Variants in CSMD1 observed in about 807,000 individuals in gnomAD.
The protein encoded by CSMD1 is CUB and Sushi multiple domains 1, also known as CUB and sushi domain-containing protein 1.
A neutral mutation model predicts 417.5 loss-of-function variants in CSMD1; 213 were observed. That is an observed-to-expected ratio of 0.51 (90% CI 0.46 to 0.57). The LOEUF is 0.57. Among genes scored for constraint, CSMD1 ranks in the 20% least tolerant of loss-of-function variants. The pLI is 0.00. For missense variants in CSMD1, 6,923 were observed against 4,529.7 expected, an observed-to-expected ratio of 1.53 and a Z score of -15.17; for synonymous variants, 2,862 against 1,736.8, an observed-to-expected ratio of 1.65 and a Z score of -16.11.
chr8:3,516,990 A>G (rs558670220), intron 10 of CSMD1, among the ~76,000 whole-genome samples: 2 of 152,272 alleles, frequency 1.3e-5, no homozygotes, highest in Non-Finnish European at 1.5e-5. Context: ...AAAACACAGA[A>G]AACAGGGCAC....
intron 4 of CSMD1, among the ~76,000 whole-genome samples, chr8:4,017,265 A>G (rs1796568513): frequency 2.0e-5 from 3 of 152,096 alleles, no homozygotes; most frequent in Admixed American, 2.0e-4. Context: ...TATGCAATTC[A>G]TCTTCTCATC....
At chr8:4,975,244 G>A (rs551641811) in intron 1 of CSMD1, among the ~76,000 whole-genome samples, 3 of 152,198 alleles carry the variant, frequency 2.0e-5, no homozygotes, top group African/African-American at 7.2e-5. Context: ...AAGTCTCCAA[G>A]GATAATTAAT....
At position 4,330,807 on chromosome 8, in the gene CSMD1, G is replaced by A. The variant is rs114715546; in HGVS notation, c.415+89146C>T. On this transcript the variant is annotated intron_variant, in intron 3 of 69. Coordinates refer to ENST00000635120, the MANE Select transcript of CSMD1 (RefSeq NM_033225.6). Reference sequence around the variant, plus strand: ...TTTCTTTCCCTATCTATCTTCTGAAGCACTGTTCATTCTTGCACATGCAGC... The same window carrying A: ...TTTCTTTCCCTATCTATCTTCTGAAACACTGTTCATTCTTGCACATGCAGC... Among the ~76,000 whole-genome samples, 1,040 of 152,042 alleles carry A rather than the reference G, an allele frequency of 6.8e-3. 11 individuals carry two copies. The highest frequency in any genetic ancestry group is 0.023 in the African/African-American group (959 of 41,476).
intron 5 of CSMD1, among the ~76,000 whole-genome samples, chr8:3,821,970 T>G (rs1408268467): frequency 6.6e-6 from 1 of 152,188 alleles, no homozygotes; most frequent in Non-Finnish European, 1.5e-5. Flanking sequence ...CTCTCATGTT[T>G]CCCTTCACAT....
rs1054664057 is a variant in CSMD1 at position 4,276,398 on chromosome 8, T to G, written c.415+143555A>C. 2.0e-5 allele frequency among the ~76,000 whole-genome samples: 3 copies of G among 152,188 alleles called. No homozygotes were observed. The Middle Eastern group carries it at 0.01, about 518-fold the overall frequency. ...AACAGAAAACTAAACACCACATGTTTTCACTCATAAGTGGGAGTTGAACAA... is the reference window on the plus strand; with the variant it reads ...AACAGAAAACTAAACACCACATGTTGTCACTCATAAGTGGGAGTTGAACAA... On this transcript the variant is annotated intron_variant, in intron 3 of 69. Transcript: ENST00000635120.
intron 1 of CSMD1, among the ~76,000 whole-genome samples, chr8:4,755,885 G>A (rs1811635747): frequency 6.6e-6 from 1 of 152,104 alleles, no homozygotes; most frequent in Non-Finnish European, 1.5e-5. Flanking sequence ...AACTCATAAT[G>A]GGCTGCTCGG....
At position 3,394,036 on chromosome 8, in the gene CSMD1, A is replaced by T. The variant is rs1298109360; in HGVS notation, c.2593+2158T>A. Among the ~76,000 whole-genome samples the T allele has an allele frequency of 4.4e-3, 453 of 102,372 alleles. 19 individuals are homozygous for T. The highest frequency in any genetic ancestry group is 0.022 in the Middle Eastern group (4 of 178). 67.2% of individuals were successfully genotyped at this position (102,372 alleles called of 152,430 possible). A position where few individuals can be genotyped will look rare whatever the true frequency, so the allele number is the denominator to read the frequency against. On this transcript the variant is annotated intron_variant, in intron 17 of 69. Transcript: ENST00000635120. ...ATTATATATATATATATATATATAT[A>T]TATATATATATATATATATAGAAAA...
intron 12 of CSMD1, among the ~76,000 whole-genome samples, chr8:3,441,517 AC>A (rs2117063322): frequency 6.6e-6 from 1 of 151,418 alleles, no homozygotes; most frequent in South Asian, 2.1e-4. Context: ...ATATACACAC[AC>A]ACACACAAAA....
chr8:3,629,655 T>C (rs1193729813), intron 7 of CSMD1, among the ~76,000 whole-genome samples: 1 of 152,212 alleles, frequency 6.6e-6, no homozygotes, highest in Non-Finnish European at 1.5e-5. Context: ...CAAGGAATGT[T>C]ATAATACACA....
At chr8:3,570,865 A>G (rs1799913769) in intron 10 of CSMD1, among the ~76,000 whole-genome samples, 1 of 152,170 alleles carries the variant, frequency 6.6e-6, no homozygotes, top group African/African-American at 2.4e-5. Flanking sequence ...TCAAGTAGTA[A>G]AAGGTTTAAA....
At chr8:3,992,515 T>A (rs1814834596) in intron 5 of CSMD1, among the ~76,000 whole-genome samples, 1 of 152,228 alleles carries the variant, frequency 6.6e-6, no homozygotes, top group African/African-American at 2.4e-5. Flanking sequence ...CTGGCTGTTG[T>A]GGCTCATGCC....
intron 3 of CSMD1, among the ~76,000 whole-genome samples, chr8:4,042,814 T>TCAAAAAAAAAAAA (rs1563355345): frequency 9.5e-5 from 2 of 21,018 alleles, no homozygotes; most frequent in East Asian, 6.4e-4. Flanking sequence ...GTACAACATA[T>TCAAAAAAAAAAAA]TAAAAAAAAA....
At chr8:4,813,321 G>A (rs1799014045) in intron 1 of CSMD1, among the ~76,000 whole-genome samples, 1 of 152,012 alleles carries the variant, frequency 6.6e-6, no homozygotes, top group Admixed American at 6.6e-5. Flanking sequence ...GGGCTGTGAT[G>A]AGAAATAAAA....
intron 3 of CSMD1, among the ~76,000 whole-genome samples, chr8:4,179,046 A>C (rs1230623269): frequency 6.6e-6 from 1 of 152,032 alleles, no homozygotes; most frequent in African/African-American, 2.4e-5. Flanking sequence ...CAAGCTACCA[A>C]TGACTTTCTT....
intron 5 of CSMD1, among the ~76,000 whole-genome samples, chr8:3,780,617 A>C (rs1799125042): frequency 6.6e-6 from 1 of 152,204 alleles, no homozygotes; most frequent in Admixed American, 6.5e-5. Context: ...ACTGTCATCA[A>C]ACTGGGCCTG....
At chr8:4,448,933 G>C (rs1798972322) in intron 2 of CSMD1, among the ~76,000 whole-genome samples, 1 of 152,118 alleles carries the variant, frequency 6.6e-6, no homozygotes, top group Admixed American at 6.5e-5. Flanking sequence ...AAAATTTCCA[G>C]ATAAATTACC....
At chr8:4,829,355 T>C (rs770611413) in intron 1 of CSMD1, among the ~76,000 whole-genome samples, 1 of 152,214 alleles carries the variant, frequency 6.6e-6, no homozygotes, top group Non-Finnish European at 1.5e-5. Context: ...GTGTCTATAC[T>C]GGGCAACACT....
At chr8:4,365,078 TG>T (rs1801987229) in intron 3 of CSMD1, among the ~76,000 whole-genome samples, 1 of 152,172 alleles carries the variant, frequency 6.6e-6, no homozygotes, top group South Asian at 2.1e-4. Flanking sequence ...TCAGTTGTAA[TG>T]GCAAGTTTAC....
chr8:4,341,790 C>G (rs1009804797), intron 3 of CSMD1, among the ~76,000 whole-genome samples: 3 of 151,972 alleles, frequency 2.0e-5, no homozygotes, highest in African/African-American at 7.2e-5. Context: ...GATTTCAGTG[C>G]CCATTAATTT....
Sources: gnomAD v4.1 joint callset for allele counts (sites outside exome capture counted in the v4.1 genomes callset) on GRCh38, gnomAD v4.1.1 for gene constraint, MANE v1.5 for transcripts, NCBI Gene and HGNC (gene_info 2026-07-23, HGNC 2026-07-21) for gene names.